RASGRP3: variants seen among roughly 807,000 people sequenced by gnomAD.
The protein encoded by RASGRP3 is RAS guanyl releasing protein 3, also known as ras guanyl-releasing protein 3.
Under a neutral mutation model 82.7 loss-of-function variants are expected in RASGRP3, and 54 were observed. The ratio of observed to expected loss-of-function variants is 0.65; its 90% CI spans 0.52 to 0.82. The LOEUF is 0.82. Among genes scored for constraint, RASGRP3 ranks in the 40% least tolerant of loss-of-function variants. The pLI is 0.00. For missense variants in RASGRP3, 861 were observed against 828.9 expected, an observed-to-expected ratio of 1.04 and a Z score of -0.48; for synonymous variants, 309 against 300.5, an observed-to-expected ratio of 1.03 and a Z score of -0.29.
chr2:33,497,118 T>C (rs1404767189), intron 1 of RASGRP3, among the ~76,000 whole-genome samples: 2 of 152,204 alleles, frequency 1.3e-5, no homozygotes, highest in Non-Finnish European at 2.9e-5. Context: ...TTTAATAATA[T>C]AATAAAATAT....
At chr2:33,469,614 C>T (rs1195420153) in intron 2 of RASGRP3, among the ~76,000 whole-genome samples, 1 of 152,046 alleles carries the variant, frequency 6.6e-6, no homozygotes, top group African/African-American at 2.4e-5. Context: ...TATGGGCCAC[C>T]ATGCCCAGCT....
intron 1 of RASGRP3, among the ~76,000 whole-genome samples, chr2:33,509,952 A>T (rs1030633136): frequency 2.0e-5 from 3 of 151,784 alleles, no homozygotes; most frequent in Non-Finnish European, 4.4e-5. Context: ...ACAGCACTTT[A>T]AAAAAAAATC....
chr2:33,456,059 A>G (rs1471395748), intron 2 of RASGRP3, among the ~76,000 whole-genome samples: 1 of 151,778 alleles, frequency 6.6e-6, no homozygotes, highest in East Asian at 1.9e-4. Flanking sequence ...CATTTCTCCC[A>G]CCCTCTCCTC....
rs779293482 is a variant in RASGRP3, at chr2:33,527,160, G to T, written c.831G>T (p.Leu277Phe). 158 of 1,613,878 alleles carry T rather than the reference G, an allele frequency of 9.8e-5. No individual in the cohort carries two copies. Among genetic ancestry groups the T allele is most frequent in the Non-Finnish European group, 1.3e-4 (152 of 1,179,878 alleles). The change falls in exon 10 of 18, where the codon TTG becomes TTT. Residue 277 changes from leucine to phenylalanine, a missense_variant. Leu to Phe is a conservative substitution (Grantham distance 22). Coordinates refer to ENST00000403687, the MANE Select transcript of RASGRP3 (RefSeq NM_001139488.2). ...AGAACTGGAATGAAATGACAGAGTT[G>T]GTCTCCTCCAACGGCAATTACTGCA... ...VTKNWNEMTE[L>F]VSSNGNYCNY... is the part of the protein sequence containing the mutation.
chr2:33,556,947 A>C (rs1676050055), intron 15 of RASGRP3, among the ~76,000 whole-genome samples: 2 of 146,964 alleles, frequency 1.4e-5, no homozygotes, highest in Admixed American at 1.4e-4. Flanking sequence ...ATAAAGATGA[A>C]AATCTATTAC....
intron 2 of RASGRP3, among the ~76,000 whole-genome samples, chr2:33,457,790 G>C (rs897489786): frequency 2.6e-5 from 4 of 152,066 alleles, no homozygotes; most frequent in Non-Finnish European, 4.4e-5. Context: ...CTGGTGGGCA[G>C]TGTTCTTAAC....
At chr2:33,468,024 C>CTTTA (rs1290432805) in intron 2 of RASGRP3, among the ~76,000 whole-genome samples, 1 of 127,602 alleles carries the variant, frequency 7.8e-6, no homozygotes, top group African/African-American at 4.3e-5. Flanking sequence ...TTCTTTCTTT[C>CTTTA]TTTCTTTCTT....
chr2:33,456,904 A>ATTTTTTTT (rs10660284), intron 2 of RASGRP3, among the ~76,000 whole-genome samples: 1 of 134,720 alleles, frequency 7.4e-6, no homozygotes, highest in Non-Finnish European at 1.6e-5. Flanking sequence ...AGTGCTTTCT[A>ATTTTTTTT]TTTTTTTTTT....
intron 1 of RASGRP3, among the ~76,000 whole-genome samples, chr2:33,493,525 G>C (rs942314418): frequency 6.6e-6 from 1 of 152,100 alleles, no homozygotes; most frequent in Non-Finnish European, 1.5e-5. Flanking sequence ...AATGTGACAG[G>C]AGTAAATGAA....
rs545262305 is a variant in RASGRP3, at chr2:33,489,713, A to G, written c.-261+13006A>G. Among the ~76,000 whole-genome samples the G allele has an allele frequency of 1.6e-4, 24 of 152,130 alleles. No homozygotes were observed. In the South Asian group the frequency reaches 5.0e-3, roughly 32 times the overall value. On this transcript the variant is annotated intron_variant, in intron 1 of 17. Coordinates refer to ENST00000403687, the MANE Select transcript of RASGRP3 (RefSeq NM_001139488.2). ...ACCACACCCAACTAATTTTTGTATC[A>G]TTTGTAGAGAAGGGGGTTTCACCAT...
intron 1 of RASGRP3, chr2:33,483,031 A>G (rs1217526090): frequency 7.1e-6 from 1 of 141,104 alleles, no homozygotes; most frequent in Non-Finnish European, 1.5e-5. Flanking sequence ...GGGAACAACT[A>G]TAATTAAAAA....
chr2:33,443,810 G>T (rs1251014872), intron 1 of RASGRP3, among the ~76,000 whole-genome samples: 2 of 150,458 alleles, frequency 1.3e-5, no homozygotes, highest in East Asian at 2.0e-4. Flanking sequence ...GAGCCCAGTT[G>T]TTCAAGTCTA....
At chr2:33,458,956 A>C (rs867015544) in intron 2 of RASGRP3, among the ~76,000 whole-genome samples, 6 of 152,340 alleles carry the variant, frequency 3.9e-5, no homozygotes, top group Middle Eastern at 6.8e-3. Flanking sequence ...TAACTTTGAC[A>C]AATTTTAATC....
At chr2:33,516,355 C>T (rs1204530234) in intron 3 of RASGRP3, among the ~76,000 whole-genome samples, 187 bp from the exon 4 acceptor site, 2 of 152,114 alleles carry the variant, frequency 1.3e-5, no homozygotes, top group South Asian at 2.1e-4. Context: ...TGCAGTGAGC[C>T]GAGATCATGC....
chr2:33,483,486 A>AAT (rs1668110334), intron 1 of RASGRP3, among the ~76,000 whole-genome samples: 1 of 125,932 alleles, frequency 7.9e-6, no homozygotes, highest in Non-Finnish European at 1.6e-5. Context: ...TTTAGCCACT[A>AAT]TTTTTTTTTT....
At position 33,548,172 on chromosome 2, in the gene RASGRP3, T is replaced by G. The variant is rs1038988662; in HGVS notation, c.1395-1432T>G. Among the ~76,000 whole-genome samples the G allele has an allele frequency of 7.2e-5, 11 of 151,982 alleles. No individual in the cohort carries two copies. In the South Asian group the frequency reaches 2.3e-3, roughly 32 times the overall value. The stretch of plus-strand genomic sequence containing the variant: ...GTCAGGAGATCGAGACCATCTTGGC[T>G]AACACGGTGAAACCCCGTCTCTACT... On this transcript the variant is annotated intron_variant, in intron 13 of 17. Transcript: ENST00000403687.
intron 2 of RASGRP3, among the ~76,000 whole-genome samples, chr2:33,459,254 CCT>C (rs1258140345): frequency 3.9e-5 from 6 of 152,094 alleles, no homozygotes; most frequent in African/African-American, 1.2e-4. Flanking sequence ...CCTGCCTCAG[CCT>C]CCCGAGTAGC....
chr2:33,557,935 A>C (rs771736485), intron 15 of RASGRP3, among the ~76,000 whole-genome samples: 5 of 152,018 alleles, frequency 3.3e-5, no homozygotes, highest in Admixed American at 3.3e-4. Context: ...GCTGGACTCT[A>C]TTTACTCCCT....
intron 1 of RASGRP3, among the ~76,000 whole-genome samples, chr2:33,439,684 G>C (rs1219632004): frequency 6.6e-6 from 1 of 152,168 alleles, no homozygotes; most frequent in Non-Finnish European, 1.5e-5. Flanking sequence ...CTCTTCAAGG[G>C]AACTGAGAGT....
Sources: allele counts gnomAD v4.1 joint callset (sites outside exome capture counted in the v4.1 genomes callset), GRCh38; gene constraint gnomAD v4.1.1; transcripts MANE v1.5; gene names NCBI Gene and HGNC (gene_info 2026-07-23, HGNC 2026-07-21).